ZNF512: variants seen among roughly 807,000 people sequenced by gnomAD.
ZNF512 encodes zinc finger protein 512.
Under a neutral mutation model 77.5 loss-of-function variants are expected in ZNF512, and 25 were observed. That is an observed-to-expected ratio of 0.32 (90% CI 0.23 to 0.45). ZNF512 has a LOEUF of 0.45. ZNF512 is among the 20% of genes least tolerant of loss of function. ZNF512 has a pLI of 1.00. For missense variants in ZNF512, 483 were observed against 692.6 expected, an observed-to-expected ratio of 0.70 and a Z score of 3.40; for synonymous variants, 246 against 239.9, an observed-to-expected ratio of 1.03 and a Z score of -0.24.
chr2:27,602,124 A>C (rs1461041388), intron 7 of ZNF512, among the ~76,000 whole-genome samples: 3 of 151,788 alleles, frequency 2.0e-5, no homozygotes, highest in African/African-American at 7.3e-5. Context: ...ATCTCAGTGC[A>C]GATGGCTTTG....
chr2:27,587,070 A>T (rs1209106704), intron 2 of ZNF512, among the ~76,000 whole-genome samples: 1 of 152,110 alleles, frequency 6.6e-6, no homozygotes, highest in African/African-American at 2.4e-5. Context: ...ATTTCTTTTG[A>T]TAAATATCTA....
intron 4 of ZNF512, 106 bp from the exon 5 acceptor site, chr2:27,599,864 G>C: frequency 7.4e-7 from 1 of 1,342,620 alleles, no homozygotes; most frequent in South Asian, 1.2e-5. Flanking sequence ...TAGGCAGTCA[G>C]TCGGTTGAGG....
chr2:27,599,584 G>T lies in ZNF512; in HGVS notation c.279G>T (p.Gly93=). 1 of 1,613,764 alleles carries T rather than the reference G, an allele frequency of 6.2e-7. No individual in the cohort carries two copies. The highest frequency in any genetic ancestry group is 8.5e-7 in the Non-Finnish European group (1 of 1,179,680). The change falls in exon 4 of 14, where the codon GGG becomes GGT. Residue 93 remains glycine (G), a splice_region_variant and synonymous_variant. Coordinates refer to ENST00000355467, the MANE Select transcript of ZNF512 (RefSeq NM_032434.4). The part of the protein sequence containing the change: ...IKPAATSHVE[G]SGGVSAKGKR... ...TTTTGTTTTTGTATGGTACTTCAGG[G>T]TCAGGTGGAGTATCAGCCAAGGGGA...
At chr2:27,613,738 C>T (rs13020949) in intron 10 of ZNF512, among the ~76,000 whole-genome samples, 36,639 of 151,832 alleles carry the variant, frequency 0.24, 5,606 homozygotes, top group East Asian at 0.49. Flanking sequence ...ACAGTTCAAA[C>T]TCATGTTGTT....
intron 10 of ZNF512, 104 bp downstream of exon 10, chr2:27,608,143 TTTTG>T (rs1278544236): frequency 1.8e-6 from 2 of 1,096,996 alleles, no homozygotes; most frequent in Non-Finnish European, 2.5e-6. Flanking sequence ...ATAGGCAGTA[TTTTG>T]TTTGTTTATC....
At position 27,616,314 on chromosome 2, in the gene ZNF512, C is replaced by G; in HGVS notation, c.1286C>G (p.Ser429Cys). The change falls in exon 12 of 14, where the codon TCT (serine) becomes TGT (cysteine). Residue 429 changes from serine (S) to cysteine (C), a missense_variant. Coordinates refer to ENST00000355467, the MANE Select transcript of ZNF512 (RefSeq NM_032434.4). ...TCTGGCCTTAAAGCTCACCTGGGCT[C>G]TTGTACATTGGTTTGTAACTTTTTA... The part of the protein sequence containing the change: ...SVSGLKAHLG[S>C]CTLGNFVAGK... 1.2e-6 allele frequency: 2 copies of G among 1,613,650 alleles called. No homozygotes were observed. Among genetic ancestry groups the G allele is most frequent in the Non-Finnish European group, 1.7e-6 (2 of 1,179,526 alleles).
Position 27,621,003 on chromosome 2 carries a change from A to G in ZNF512, c.1396-150A>G, listed in dbSNP as rs920553417. ...GCTCTGTGTTGGATTTCTCCATCTT[A>G]AAATATAGAATCCTGAGGTATGGTT... On this transcript the variant is annotated intron_variant, in intron 13 of 13. Transcript: ENST00000355467. 1.1e-5 allele frequency: 9 copies of G among 852,756 alleles called. No homozygotes were observed. In the Admixed American group the frequency reaches 1.7e-4, roughly 17 times the overall value. 52.8% of individuals were successfully genotyped at this position (852,756 alleles called of 1,614,324 possible). A position where few individuals can be genotyped will look rare whatever the true frequency, so the allele number is the denominator to read the frequency against.
At chr2:27,595,367 C>T (rs1362688875) in intron 2 of ZNF512, among the ~76,000 whole-genome samples, 1 of 145,264 alleles carries the variant, frequency 6.9e-6, no homozygotes, top group Non-Finnish European at 1.5e-5. Context: ...GTGGTGCGAT[C>T]TCTGCTCACT....
intron 10 of ZNF512, among the ~76,000 whole-genome samples, chr2:27,610,582 T>TATACACA (rs1558474959): frequency 1.5e-4 from 8 of 52,878 alleles, no homozygotes; most frequent in African/African-American, 1.8e-4. Context: ...TTTTTTTTTT[T>TATACACA]TTTTTTTTTT....
In ZNF512 at chr2:27,615,286, C is replaced by G. The variant is rs1162523769; in HGVS notation, c.1233+17C>G. 6.7e-7 allele frequency: 1 copy of G among 1,491,792 alleles called. No homozygotes were observed. The highest frequency in any genetic ancestry group is 2.0e-5 in the Admixed American group (1 of 51,006). The allele number at this position is 1,491,792 out of a possible 1,614,324, so 92.4% of individuals were successfully genotyped here. A position where few individuals can be genotyped will look rare whatever the true frequency, so the allele number is the denominator to read the frequency against. On this transcript the variant is annotated intron_variant, in intron 11 of 13. Coordinates refer to ENST00000355467, the MANE Select transcript of ZNF512 (RefSeq NM_032434.4). ...CCTAACCAGGTGGTTCTTTCTCATT[C>G]ATTTATTCAGTAAATGTTTATCAAG...
chr2:27,609,021 A>G (rs1435377280), intron 10 of ZNF512, among the ~76,000 whole-genome samples: 2 of 151,752 alleles, frequency 1.3e-5, no homozygotes, highest in Non-Finnish European at 2.9e-5. Flanking sequence ...AGGCAGGAGA[A>G]TCGCTTGAAC....
chr2:27,593,857 A>T (rs188253866), intron 2 of ZNF512, among the ~76,000 whole-genome samples: 4 of 151,004 alleles, frequency 2.6e-5, no homozygotes. Context: ...GGGTAAGGTT[A>T]TAGATCAACA....
At chr2:27,601,286 T>G (rs1387038369) in intron 6 of ZNF512, 70 bp from the exon 7 acceptor site, 14 of 1,116,844 alleles carry the variant, frequency 1.3e-5, no homozygotes, top group South Asian at 3.0e-5. Flanking sequence ...TGAAAGCATT[T>G]GAGTCGGACT....
intron 10 of ZNF512, among the ~76,000 whole-genome samples, chr2:27,610,779 C>T (rs1212107554): frequency 6.7e-6 from 1 of 150,168 alleles, no homozygotes; most frequent in Non-Finnish European, 1.5e-5. Flanking sequence ...GCCATGTTGC[C>T]CAGGCTGGTC....
Position 27,603,130 on chromosome 2 carries a change from C to T in ZNF512, c.769-10C>T. On this transcript the variant is annotated splice_polypyrimidine_tract_variant and intron_variant, in intron 8 of 13. Transcript: ENST00000355467. ...TAAGATTATAGTTTAGGCTTCTCTC[C>T]TCTGTTCAGAGTTGCTCCAGTAGCT... 1.2e-6 allele frequency: 2 copies of T among 1,613,718 alleles called. No individual in the cohort carries two copies. The highest frequency in any genetic ancestry group is 1.7e-6 in the Non-Finnish European group (2 of 1,179,750).
intron 10 of ZNF512, among the ~76,000 whole-genome samples, chr2:27,612,475 A>G (rs1233926084): frequency 6.6e-6 from 1 of 152,102 alleles, no homozygotes; most frequent in Non-Finnish European, 1.5e-5. Context: ...ATGTATAGTC[A>G]TACATGCACA....
intron 2 of ZNF512, among the ~76,000 whole-genome samples, chr2:27,591,641 C>T (rs1671583288): frequency 6.6e-6 from 1 of 152,162 alleles, no homozygotes; most frequent in Non-Finnish European, 1.5e-5. Context: ...GATCTCTTGC[C>T]CTTGTGATCT....
intron 10 of ZNF512, among the ~76,000 whole-genome samples, 200 bp from the exon 11 acceptor site, chr2:27,614,968 C>G (rs1181564596): frequency 6.6e-6 from 1 of 151,960 alleles, no homozygotes; most frequent in African/African-American, 2.4e-5. Context: ...TGTTAAAAAT[C>G]AAACTTTTCT....
Position 27,583,104 on chromosome 2 carries a change from G to C in ZNF512, c.-9G>C. The stretch of plus-strand genomic sequence containing the variant: ...CTTGGGTGAAATTGTTAGGCGTGGA[G>C]AGGGAGTGATGTCTTCCAGACTCGG... On this transcript the variant is annotated 5_prime_UTR_variant, in exon 1 of 14. Coordinates refer to ENST00000355467, the MANE Select transcript of ZNF512 (RefSeq NM_032434.4). 6.2e-7 allele frequency: 1 copy of C among 1,614,158 alleles called. No homozygotes were observed. Among genetic ancestry groups the C allele is most frequent in the Non-Finnish European group, 8.5e-7 (1 of 1,180,034 alleles).
Sources: allele counts gnomAD v4.1 joint callset (sites outside exome capture counted in the v4.1 genomes callset), GRCh38; gene constraint gnomAD v4.1.1; transcripts MANE v1.5; gene names NCBI Gene and HGNC (gene_info 2026-07-23, HGNC 2026-07-21).